COL14A1: variants seen among roughly 807,000 people sequenced by gnomAD.
COL14A1 encodes collagen type XIV alpha 1 chain.
COL14A1 carries 136 observed loss-of-function variants against 230.3 expected under a neutral mutation model. That is an observed-to-expected ratio of 0.59 (90% CI 0.51 to 0.68). The LOEUF (loss-of-function observed/expected upper bound fraction) is 0.68, where lower values mean the gene tolerates loss of function less well. COL14A1 is among the 30% of genes least tolerant of loss of function. The probability of loss-of-function intolerance (pLI) is 0.00; values close to 1 mark genes in which losing one functional copy is unlikely to be tolerated. For synonymous variants in COL14A1, 792 were observed against 784.1 expected (o/e 1.01, Z -0.17); for missense variants, 1,976 against 2,215.8 (o/e 0.89, Z 2.17).
intron 42 of COL14A1, among the ~76,000 whole-genome samples, chr8:120,338,885 AGTAAACACTAAT>A (rs199974437): frequency 0.034 from 5,151 of 152,288 alleles, 293 homozygotes; most frequent in African/African-American, 0.11. Context: ...TGGTCCTTCC[AGTAAACACTAAT>A]GTCTCTTTAG....
chr8:120,313,365 C>G (rs1554622424), intron 37 of COL14A1, among the ~76,000 whole-genome samples: 1 of 151,574 alleles, frequency 6.6e-6, no homozygotes, highest in Non-Finnish European at 1.5e-5. Flanking sequence ...GTCTCAAAAA[C>G]AAAAAATGAA....
intron 5 of COL14A1, among the ~76,000 whole-genome samples, chr8:120,191,921 T>C (rs1273057742): frequency 2.0e-5 from 3 of 152,070 alleles, no homozygotes; most frequent in Non-Finnish European, 4.4e-5. Context: ...CATCCTTTTA[T>C]TTTGAGCCTA....
At chr8:120,351,929 C>A (rs912831387) in intron 45 of COL14A1, among the ~76,000 whole-genome samples, 1 of 97,848 alleles carries the variant, frequency 1.0e-5, no homozygotes, top group Admixed American at 1.1e-4. Flanking sequence ...GGCAGAGACA[C>A]AACCAAAAAA....
intron 26 of COL14A1, among the ~76,000 whole-genome samples, chr8:120,275,945 A>G (rs1440444853): frequency 6.6e-6 from 1 of 151,966 alleles, no homozygotes; most frequent in Non-Finnish European, 1.5e-5. Context: ...AACTAAAAGT[A>G]GATTTACCTT....
At chr8:120,191,754 G>T (rs1309430091) in intron 5 of COL14A1, among the ~76,000 whole-genome samples, 3 of 151,656 alleles carry the variant, frequency 2.0e-5, no homozygotes, top group Non-Finnish European at 2.9e-5. Context: ...ATATATTTAG[G>T]ATAGTTAGCT....
At position 120,147,931 on chromosome 8, in the gene COL14A1, G is replaced by A. The variant is rs752609249; in HGVS notation, c.88+1G>A. The stretch of plus-strand genomic sequence containing the variant: ...TTCTGCACCATTGTCCAAGGTCAAG[G>A]TAATTGAAAACTTTGAGAATCAGTA... On this transcript the variant is annotated splice_donor_variant, in intron 2 of 47. Transcript: ENST00000297848. LOFTEE classifies it high-confidence loss of function. The A allele has an allele frequency of 1.9e-6, 3 of 1,611,340 alleles. No individual in the cohort carries two copies. Among genetic ancestry groups the A allele is most frequent in the Non-Finnish European group, 2.5e-6 (3 of 1,177,916 alleles).
intron 1 of COL14A1, among the ~76,000 whole-genome samples, chr8:120,130,470 C>T (rs1349517162): frequency 2.6e-5 from 4 of 152,040 alleles, no homozygotes; most frequent in African/African-American, 9.7e-5. Flanking sequence ...CCCTTTTCTT[C>T]TTCCTTCCCT....
At chr8:120,278,618 T>C in intron 28 of COL14A1, 40 bp downstream of exon 28, 1 of 1,572,622 alleles carries the variant, frequency 6.4e-7, no homozygotes, top group Non-Finnish European at 8.6e-7. Flanking sequence ...AATATGATGT[T>C]AGAATTGTTA....
At position 120,168,216 on chromosome 8, in the gene COL14A1, A is replaced by G. The variant is rs753289880; in HGVS notation, c.405A>G (p.Arg135=). 6.2e-7 allele frequency: 1 copy of G among 1,612,548 alleles called. No homozygotes were observed. The highest frequency in any genetic ancestry group is 1.7e-5 in the Admixed American group (1 of 59,832). The change falls in exon 5 of 48, where the codon AGA becomes AGG. Residue 135 remains arginine (R), a synonymous_variant. Coordinates refer to ENST00000297848, the MANE Select transcript of COL14A1 (RefSeq NM_021110.4). ...AGCCCAGAGTCAAAGTTGTGGACAG[A>G]GGAAATGGGAGTAGACCATCTTCAC... is the stretch of plus-strand genomic sequence containing the variant. ...DPKPRVKVVD[R]GNGSRPSSPE...
intron 5 of COL14A1, among the ~76,000 whole-genome samples, chr8:120,187,023 T>C (rs1462270243): frequency 6.6e-6 from 1 of 152,172 alleles, no homozygotes; most frequent in Non-Finnish European, 1.5e-5. Context: ...AGGAAAAGAT[T>C]CATGGAGTTG....
Position 120,160,277 on chromosome 8 carries a change from GT to G in COL14A1, c.205+2033del, listed in dbSNP as rs1408039652. Among the ~76,000 whole-genome samples the G allele has an allele frequency of 5.9e-5, 9 of 152,190 alleles. No homozygotes were observed. The East Asian group carries it at 1.7e-3, about 29-fold the overall frequency. On this transcript the variant is annotated intron_variant, in intron 3 of 47. Coordinates refer to ENST00000297848, the MANE Select transcript of COL14A1 (RefSeq NM_021110.4). ...TATGATTCTAAAGGTCAAAATACAA[GT>G]TACTATTTTTTGTTACCTCTGAGAA... is the stretch of plus-strand genomic sequence containing the variant.
chr8:120,249,097 T>C (rs1039402474), intron 21 of COL14A1, among the ~76,000 whole-genome samples: 1 of 147,696 alleles, frequency 6.8e-6, no homozygotes, highest in South Asian at 2.2e-4. Flanking sequence ...CGGCTAATTT[T>C]TTTTTTTTTT....
At chr8:120,171,914 A>G (rs949738325) in intron 5 of COL14A1, among the ~76,000 whole-genome samples, 1 of 152,002 alleles carries the variant, frequency 6.6e-6, no homozygotes, top group Non-Finnish European at 1.5e-5. Flanking sequence ...GGTTCCTTAT[A>G]TCTGTCTTTT....
chr8:120,293,633 A>G (rs1464737502), intron 34 of COL14A1, among the ~76,000 whole-genome samples: 1 of 151,830 alleles, frequency 6.6e-6, no homozygotes, highest in Non-Finnish European at 1.5e-5. Context: ...CTTCTATAAG[A>G]TCATCTGCCT....
intron 26 of COL14A1, among the ~76,000 whole-genome samples, chr8:120,270,606 A>T (rs1819639612): frequency 6.6e-6 from 1 of 151,766 alleles, no homozygotes; most frequent in Non-Finnish European, 1.5e-5. Context: ...ATGGCCATGT[A>T]CTATACTGTC....
At chr8:120,365,401 C>A (rs1037884647) in intron 45 of COL14A1, among the ~76,000 whole-genome samples, 1 of 152,132 alleles carries the variant, frequency 6.6e-6, no homozygotes, top group Non-Finnish European at 1.5e-5. Context: ...CTAGTTCTTT[C>A]AAAATTAGTT....
intron 13 of COL14A1, among the ~76,000 whole-genome samples, chr8:120,215,064 T>TGTA (rs1817710501): frequency 6.6e-6 from 1 of 152,140 alleles, no homozygotes; most frequent in South Asian, 2.1e-4. Context: ...AGGCCACTGA[T>TGTA]GTAGGGCCAT....
At chr8:120,204,870 A>C (rs777539007) in intron 9 of COL14A1, among the ~76,000 whole-genome samples, 1 of 152,202 alleles carries the variant, frequency 6.6e-6, no homozygotes, top group Non-Finnish European at 1.5e-5. Flanking sequence ...TTGAGGGTCC[A>C]GGCAGGCTCT....
Position 120,289,620 on chromosome 8 carries a change from G to T in COL14A1, c.4090G>T (p.Val1364Phe). Residue 1364 changes from valine (V) to phenylalanine (F), a missense_variant, in exon 34 of 48, where the codon GTC becomes TTC. This residue lies in a region of COL14A1 where 1,791 missense variants were observed against 2,019.5 expected (regional missense o/e 0.89). Transcript: ENST00000297848. ...TACTTTTACCTAGCTACACATTGTT[G>T]TCAGTGAGACTTTGGTCAAAGTGGT... ...YGSFHKLHIV[V>F]SETLVKVVID... 1 of 1,613,640 alleles carries T rather than the reference G, an allele frequency of 6.2e-7. No individual in the cohort carries two copies. Among genetic ancestry groups the T allele is most frequent in the Non-Finnish European group, 8.5e-7 (1 of 1,179,850 alleles).
Sources: allele counts gnomAD v4.1 joint callset (sites outside exome capture counted in the v4.1 genomes callset), GRCh38; gene constraint gnomAD v4.1.1; regional missense constraint gnomAD v4.1.1; transcripts MANE v1.5; gene names NCBI Gene and HGNC (gene_info 2026-07-23, HGNC 2026-07-21).